Variants in DDR1 observed in about 807,000 individuals in gnomAD.
DDR1 encodes discoidin domain receptor tyrosine kinase 1, also known as epithelial discoidin domain-containing receptor 1.
Under a neutral mutation model 97.4 loss-of-function variants are expected in DDR1, and 64 were observed. That is an observed-to-expected ratio of 0.66 (90% confidence interval 0.54 to 0.81). The LOEUF (loss-of-function observed/expected upper bound fraction) is 0.81. Among genes scored for constraint, DDR1 ranks in the 30% least tolerant of loss-of-function variants. The pLI, the probability that DDR1 is intolerant of heterozygous loss-of-function variation, is 0.00. For missense variants in DDR1, 990 were observed against 1,259.6 expected (o/e 0.79, Z 3.24); for synonymous variants, 458 against 503.7 (o/e 0.91, Z 1.21).
Position 30,899,169 on chromosome 6 carries a change from G to C in DDR1, c.2615G>C (p.Arg872Pro), listed in dbSNP as rs200189421. 4.3e-6 allele frequency: 7 copies of C among 1,614,172 alleles called. No homozygotes were observed. Among genetic ancestry groups the C allele is most frequent in the African/African-American group, 4.0e-5 (3 of 75,042 alleles). ...GCCACAATGCAGGTGTACCTGTCCC[G>C]GCCGCCTGCCTGCCCGCAGGGCCTA... ...RDQGRQVYLS[R>P]PPACPQGLYE... Residue 872 changes from arginine (R) to proline (P), a missense_variant, in exon 18 of 18, where the codon CGG becomes CCG. Coordinates refer to ENST00000376568, the MANE Select transcript of DDR1 (RefSeq NM_001297654.2).
chr6:30,882,454 G>A (rs2150192955), upstream of DDR1, among the ~76,000 whole-genome samples: 1 of 152,252 alleles, frequency 6.6e-6, no homozygotes, highest in African/African-American at 2.4e-5. The surrounding 1 kb of genome is among the most constrained non-coding windows in gnomAD (Gnocchi z 4.8). Flanking sequence ...GGCCCTCTTG[G>A]TCTTTGGTGC....
chr6:30,896,658 C>T lies in DDR1; in HGVS notation c.1662C>T (p.Gly554=), dbSNP rs756028903. The T allele has an allele frequency of 2.9e-5, 47 of 1,613,354 alleles. No homozygotes were observed. The highest frequency in any genetic ancestry group is 3.6e-5 in the Non-Finnish European group (42 of 1,179,754). The change falls in exon 13 of 18, where the codon GGC becomes GGT. Residue 554 remains glycine, a synonymous_variant. Coordinates refer to ENST00000376568, the MANE Select transcript of DDR1 (RefSeq NM_001297654.2). ...ACTATATGGAGCCTGAGAAGCCAGG[C>T]GCCCCGCTTCTGCCCCCACCTCCCC... ...SGDYMEPEKP[G]APLLPPPPQN... is the part of the protein sequence containing the mutation.
In DDR1 at chr6:30,894,931, C is replaced by T. The variant is rs1475055606; in HGVS notation, c.1513+260C>T. ...TCTCTCTATCTTTGTTGTACCCTCTCATTGTGTCTCCCTGGCCCCTTTGCT... is the reference window on the plus strand; with the variant it reads ...TCTCTCTATCTTTGTTGTACCCTCTTATTGTGTCTCCCTGGCCCCTTTGCT... On this transcript the variant is annotated intron_variant, in intron 11 of 17. Coordinates refer to ENST00000376568, the MANE Select transcript of DDR1 (RefSeq NM_001297654.2). The surrounding 1 kb of genome is among the most constrained non-coding windows in gnomAD (Gnocchi z 5.7). Among the ~76,000 whole-genome samples the T allele has an allele frequency of 1.3e-5, 2 of 152,146 alleles. No homozygotes were observed. Among genetic ancestry groups the T allele is most frequent in the African/African-American group, 4.8e-5 (2 of 41,418 alleles).
rs749667998 is a variant in DDR1 at position 30,892,013 on chromosome 6, G to A, written c.677G>A (p.Gly226Glu). Reference sequence around the variant, plus strand: ...CCCCTCTTCTCCAGACTGCAGTATGGGGGTCTGGGCCAGCTGGCAGATGGT... The same window carrying A: ...CCCCTCTTCTCCAGACTGCAGTATGAGGGTCTGGGCCAGCTGGCAGATGGT... Reference protein sequence around the residue: ...DGHTVGGLQYGGLGQLADGVV... With the variant: ...DGHTVGGLQYEGLGQLADGVV... Residue 226 changes from glycine to glutamate, a missense_variant, in exon 7 of 18, where the codon GGG (glycine) becomes GAG (glutamate). By Grantham distance (98) the Gly-to-Glu change is moderately conservative (BLOSUM62 -2). Transcript: ENST00000376568. 2.5e-5 allele frequency: 40 copies of A among 1,613,892 alleles called. No homozygotes were observed. Among genetic ancestry groups the A allele is most frequent in the South Asian group, 6.6e-5 (6 of 91,072 alleles).
chr6:30,885,615 A>T, intron 1 of DDR1: 1 of 1,363,956 alleles, frequency 7.3e-7, no homozygotes, highest in South Asian at 1.4e-5. Flanking sequence ...CTGTCATTTC[A>T]TGTTCACAGG....
rs760849866 is a variant in DDR1 at position 30,891,399 on chromosome 6, C to T, written c.585C>T (p.Thr195=). Residue 195 remains threonine (T), a synonymous_variant, in exon 6 of 18, where the codon ACC becomes ACT. Coordinates refer to ENST00000376568, the MANE Select transcript of DDR1 (RefSeq NM_001297654.2). The surrounding 1 kb of genome is among the most constrained non-coding windows in gnomAD (Gnocchi z 5.3). ...CLWRDGLLSY[T]APVGQTMYLS... Reference sequence around the variant, plus strand: ...CCCCAGATGGACTCCTGTCTTACACCGCCCCTGTGGGGCAGACAATGTATT... The same window carrying T: ...CCCCAGATGGACTCCTGTCTTACACTGCCCCTGTGGGGCAGACAATGTATT... 20 of 1,612,484 alleles carry T rather than the reference C, an allele frequency of 1.2e-5. No homozygotes were observed. The highest frequency in any genetic ancestry group is 5.3e-5 in the African/African-American group (4 of 74,910).
At chr6:30,898,838 T>C in intron 16 of DDR1, 50 bp from the exon 17 acceptor site, 1 of 1,569,832 alleles carries the variant, frequency 6.4e-7, no homozygotes. Flanking sequence ...GAGGAGGGTC[T>C]ACGTTGCCTG....
intron 1 of DDR1, chr6:30,885,831 C>T (rs560256721): frequency 3.9e-6 from 5 of 1,288,042 alleles, no homozygotes; most frequent in East Asian, 1.1e-4. Flanking sequence ...TGTGTTTCAC[C>T]GTGTGTGTGT....
chr6:30,885,950 G>A (rs1785637548), intron 1 of DDR1: 1 of 582,798 alleles, frequency 1.7e-6, no homozygotes, highest in African/African-American at 1.9e-5. Context: ...GGTTGTAATG[G>A]AGTGGAAGGG....
rs747862982 is a variant in DDR1 at position 30,895,405 on chromosome 6, G to A, written c.1515G>A (p.Ala505=). ...HSAPCVPNGS[A]LLLSNPAYRL... is the part of the protein sequence containing the mutation. ...TTCCCCTCCTCCTTCTCCCGACAGC[G>A]TTGCTGCTCTCCAATCCAGCCTACC... The change falls in exon 12 of 18, where the codon GCG becomes GCA. Residue 505 remains alanine, a splice_region_variant and synonymous_variant. Coordinates refer to ENST00000376568, the MANE Select transcript of DDR1 (RefSeq NM_001297654.2). 8.1e-6 allele frequency: 13 copies of A among 1,607,346 alleles called. No individual in the cohort carries two copies. The African/African-American group carries it at 1.1e-4, about 13-fold the overall frequency.
In DDR1 at chr6:30,888,258, G is replaced by C. The variant is rs530379377; in HGVS notation, c.-42-430G>C. On this transcript the variant is annotated intron_variant, in intron 1 of 17. Coordinates refer to ENST00000376568, the MANE Select transcript of DDR1 (RefSeq NM_001297654.2). This position sits in a 1 kb window ranked among gnomAD's most constrained non-coding sequence, Gnocchi z 4.2. The stretch of plus-strand genomic sequence containing the variant: ...TATATTTTTTCTTGTCAGTTCCTAA[G>C]GGGCCTTAGTTTATTGTAGTTATTA... 6.3e-6 allele frequency: 1 copy of C among 159,114 alleles called. No homozygotes were observed. Among genetic ancestry groups the C allele is most frequent in the East Asian group, 1.8e-4 (1 of 5,480 alleles). The allele number at this position is 159,114 out of a possible 1,614,324, so 9.9% of individuals were successfully genotyped here. A position where few individuals can be genotyped will look rare whatever the true frequency, so the allele number is the denominator to read the frequency against.
Position 30,899,594 on chromosome 6 carries a change from G to T in DDR1, c.*298G>T. ...CCTCCTCTAGCCATCCCTTGGGGAA[G>T]GGTGGGGAGAAATATAGGATAGACA... On this transcript the variant is annotated 3_prime_UTR_variant, in exon 18 of 18. Transcript: ENST00000376568. 2.0e-6 allele frequency: 1 copy of T among 499,384 alleles called. No homozygotes were observed. Among genetic ancestry groups the T allele is most frequent in the South Asian group, 3.0e-5 (1 of 33,284 alleles). The allele number at this position is 499,384 out of a possible 1,614,324, so 30.9% of individuals were successfully genotyped here. A position where few individuals can be genotyped will look rare whatever the true frequency, so the allele number is the denominator to read the frequency against.
upstream of DDR1, chr6:30,881,020 G>A (rs901375474): frequency 6.6e-6 from 1 of 152,130 alleles, no homozygotes; most frequent in African/African-American, 2.4e-5. Context: ...CCTGGGCCCG[G>A]GGCCCCGGAC....
rs918465075 is a variant in DDR1 at position 30,899,328 on chromosome 6, G to C, written c.*32G>C. ...CATCCAGCTGCCCCTCCCTCAGGGA[G>C]CGATCCAGGGGAAGCCAGTGACACT... On this transcript the variant is annotated 3_prime_UTR_variant, in exon 18 of 18. Transcript: ENST00000376568. 12 of 1,588,982 alleles carry C rather than the reference G, an allele frequency of 7.6e-6. No homozygotes were observed. The highest frequency in any genetic ancestry group is 1.3e-5 in the African/African-American group (1 of 74,458).
chr6:30,896,590 C>T lies in DDR1; in HGVS notation c.1625-31C>T, dbSNP rs151038074. ...AGCTCTTGGGCTGTTCCTGATGCCT[C>T]GTCCTGTCTTCTTTCCCCTCACCCC... On this transcript the variant is annotated intron_variant, in intron 12 of 17. Coordinates refer to ENST00000376568, the MANE Select transcript of DDR1 (RefSeq NM_001297654.2). The T allele has an allele frequency of 2.7e-5, 43 of 1,599,660 alleles. No individual in the cohort carries two copies. The East Asian group carries it at 4.5e-4, about 17-fold the overall frequency.
chr6:30,897,658 CCTCG>C lies in DDR1; in HGVS notation c.2216+64_2216+67del. 7.2e-7 allele frequency: 1 copy of C among 1,390,562 alleles called. No homozygotes were observed. Among genetic ancestry groups the C allele is most frequent in the Non-Finnish European group, 9.9e-7 (1 of 1,010,040 alleles). 86.1% of individuals were successfully genotyped at this position (1,390,562 alleles called of 1,614,324 possible). A position where few individuals can be genotyped will look rare whatever the true frequency, so the allele number is the denominator to read the frequency against. On this transcript the variant is annotated intron_variant, in intron 15 of 17. Transcript: ENST00000376568. This position sits in a 1 kb window ranked among gnomAD's most constrained non-coding sequence, Gnocchi z 5.2. ...TCCCCCAGGGGATCTCCTCCTCTCCCCTCGCTTCAGCCTGGAGGAAAAGAGGGGA... is the reference window on the plus strand; with the variant it reads ...TCCCCCAGGGGATCTCCTCCTCTCCCCTTCAGCCTGGAGGAAAAGAGGGGA...
At position 30,888,745 on chromosome 6, in the gene DDR1, C is replaced by T; in HGVS notation, c.16C>T (p.Leu6=). 4 of 1,612,982 alleles carry T rather than the reference C, an allele frequency of 2.5e-6. No homozygotes were observed. The highest frequency in any genetic ancestry group is 3.4e-6 in the Non-Finnish European group (4 of 1,180,008). ...ATCAGGAGCTATGGGACCAGAGGCC[C>T]TGTCATCTTTACTGCTGCTGCTCTT... MGPEA[L]SSLLLLLLVA... is the part of the protein sequence containing the mutation. Residue 6 remains leucine (L), a synonymous_variant, in exon 2 of 18, where the codon CTG becomes TTG. Coordinates refer to ENST00000376568, the MANE Select transcript of DDR1 (RefSeq NM_001297654.2). The surrounding 1 kb of genome is among the most constrained non-coding windows in gnomAD (Gnocchi z 4.2).
rs140383698 is a variant in DDR1 at position 30,892,658 on chromosome 6, C to T, written c.1099+116C>T. 1,075 of 1,385,696 alleles carry T rather than the reference C, an allele frequency of 7.8e-4. 1 individual carries two copies. Among genetic ancestry groups the T allele is most frequent in the Non-Finnish European group, 9.7e-4 (1,012 of 1,041,714 alleles). The allele number at this position is 1,385,696 out of a possible 1,614,324, so 85.8% of individuals were successfully genotyped here. A position where few individuals can be genotyped will look rare whatever the true frequency, so the allele number is the denominator to read the frequency against. ...TGCATTATATCTACCCATCACCCAC[C>T]GAAACTTCTCAATTAGGGGTGCCCC... is the stretch of plus-strand genomic sequence containing the variant. On this transcript the variant is annotated intron_variant, in intron 8 of 17. Transcript: ENST00000376568.
In DDR1 at chr6:30,897,281, C is replaced by T. The variant is rs1264315; in HGVS notation, c.1998-98C>T. ...TTTACATGTACGCTGGGGGTGGGGA[C>T]GCCTGGTCTGCCTGAGGTGGGGCAG... On this transcript the variant is annotated intron_variant, in intron 14 of 17. Transcript: ENST00000376568. The surrounding 1 kb of genome is among the most constrained non-coding windows in gnomAD (Gnocchi z 5.2). 349,867 of 1,343,452 alleles carry T rather than the reference C, an allele frequency of 0.26. 46,398 individuals carry two copies. The highest frequency in any genetic ancestry group is 0.31 in the Middle Eastern group (1,209 of 3,870). 83.2% of individuals were successfully genotyped at this position (1,343,452 alleles called of 1,614,324 possible).
Sources: gnomAD v4.1 joint callset for allele counts (sites outside exome capture counted in the v4.1 genomes callset) on GRCh38, gnomAD v4.1.1 for gene constraint, Gnocchi (gnomAD v3.1) non-coding constraint, MANE v1.5 for transcripts, NCBI Gene and HGNC (gene_info 2026-07-23, HGNC 2026-07-21) for gene names.